Variants in RARB observed in about 807,000 individuals in gnomAD.
RARB encodes the protein retinoic acid receptor beta, also known as HBV-activated protein.
Under a neutral mutation model 51.9 loss-of-function variants are expected in RARB, and 17 were observed. The observed-to-expected ratio is 0.33, with a 90% confidence interval of 0.22 to 0.49. RARB has a LOEUF of 0.49. Ranked by LOEUF, RARB falls within the 20% of genes least tolerant of loss-of-function variation. The pLI, the probability that RARB is intolerant of heterozygous loss-of-function variation, is 0.99. For missense variants in RARB, 369 were observed against 550.8 expected, an observed-to-expected ratio of 0.67 and a Z score of 3.30; for synonymous variants, 215 against 195.4, an observed-to-expected ratio of 1.10 and a Z score of -0.84.
At chr3:25,207,707 A>G (rs1173136011) in intron 5 of RARB, among the ~76,000 whole-genome samples, 4 of 152,192 alleles carry the variant, frequency 2.6e-5, no homozygotes, top group Non-Finnish European at 5.9e-5. Context: ...ACATACCCCA[A>G]GTAGTTAGAG....
intron 5 of RARB, among the ~76,000 whole-genome samples, chr3:25,294,846 C>T (rs1051293072): frequency 4.6e-5 from 7 of 152,156 alleles, no homozygotes; most frequent in African/African-American, 1.7e-4. Context: ...GAAAAATCAC[C>T]AGCTTTGCAG....
intron 2 of RARB, among the ~76,000 whole-genome samples, chr3:24,978,279 A>G (rs1282408724): frequency 6.6e-6 from 1 of 152,166 alleles, no homozygotes; most frequent in Non-Finnish European, 1.5e-5. Flanking sequence ...AAAATGAGTT[A>G]GGGAGAATTC....
At chr3:25,383,476 A>G (rs935969773) in intron 5 of RARB, among the ~76,000 whole-genome samples, 2 of 152,216 alleles carry the variant, frequency 1.3e-5, no homozygotes, top group African/African-American at 4.8e-5. Flanking sequence ...TCAAGTTGGT[A>G]GAACTAGGAG....
At chr3:25,337,157 T>A (rs1705087301) in intron 5 of RARB, among the ~76,000 whole-genome samples, 1 of 152,120 alleles carries the variant, frequency 6.6e-6, no homozygotes, top group South Asian at 2.1e-4. Flanking sequence ...AATGTACATT[T>A]TGCTCATCTA....
chr3:25,281,734 G>A (rs1703528166), intron 5 of RARB, among the ~76,000 whole-genome samples: 1 of 152,206 alleles, frequency 6.6e-6, no homozygotes, highest in South Asian at 2.1e-4. Context: ...GGGAGTTGAT[G>A]TGGCTATTTC....
intron 5 of RARB, chr3:25,260,039 A>G (rs1702958891): frequency 1.0e-6 from 1 of 962,546 alleles, no homozygotes; most frequent in Non-Finnish European, 1.2e-6. Flanking sequence ...TCCTTCCCCC[A>G]TGGTGTGAGT....
chr3:25,065,434 A>G (rs185108850), intron 3 of RARB, among the ~76,000 whole-genome samples: 9 of 152,286 alleles, frequency 5.9e-5, no homozygotes, highest in Middle Eastern at 3.4e-3. Flanking sequence ...AGAATAAATG[A>G]ATCTTTGAAG....
chr3:25,416,050 A>C (rs895520673), intron 5 of RARB, among the ~76,000 whole-genome samples: 25 of 152,236 alleles, frequency 1.6e-4, no homozygotes, highest in African/African-American at 6.0e-4. Context: ...TAATTATGGC[A>C]ACATATTCAA....
At chr3:25,485,172 T>A (rs959420116) in intron 2 of RARB, among the ~76,000 whole-genome samples, 3 of 152,352 alleles carry the variant, frequency 2.0e-5, no homozygotes, top group Admixed American at 2.0e-4. Flanking sequence ...AATTAGGAAT[T>A]GTACATAGAA....
chr3:25,056,009 C>G (rs1698433591), intron 2 of RARB, among the ~76,000 whole-genome samples: 1 of 152,118 alleles, frequency 6.6e-6, no homozygotes. Flanking sequence ...AGAGTTTAAT[C>G]TAACCAATCT....
chr3:25,101,056 A>T lies in RARB; in HGVS notation c.-327-31105A>T, dbSNP rs138251215. On this transcript the variant is annotated intron_variant, in intron 3 of 11. Coordinates refer to the RARB transcript ENST00000383772. ...GTAGTTGGAGGTGATTATTGGATTT[A>T]TTTGGTGGAACATCACCTCTGGAAT... Among the ~76,000 whole-genome samples, 111 of 152,290 alleles carry T rather than the reference A, an allele frequency of 7.3e-4. 1 individual carries two copies. The highest frequency in any genetic ancestry group is 2.4e-3 in the African/African-American group (98 of 41,570).
intron 3 of RARB, among the ~76,000 whole-genome samples, chr3:25,109,752 G>C (rs887411523): frequency 6.6e-6 from 1 of 152,116 alleles, no homozygotes; most frequent in Non-Finnish European, 1.5e-5. Flanking sequence ...CGTCAGCCAT[G>C]CTTCTTCATT....
chr3:25,421,726 C>T (rs1229428085), intron 5 of RARB, among the ~76,000 whole-genome samples: 2 of 152,072 alleles, frequency 1.3e-5, no homozygotes. Flanking sequence ...TTCCTAAGTA[C>T]TTGTATTACC....
chr3:24,873,943 G>T (rs1702994985), intron 2 of RARB, among the ~76,000 whole-genome samples: 1 of 152,002 alleles, frequency 6.6e-6, no homozygotes, highest in Non-Finnish European at 1.5e-5. Context: ...GATCAAAAAT[G>T]TTCAGGGGAA....
chr3:25,199,925 T>C (rs1701348308), intron 5 of RARB, among the ~76,000 whole-genome samples: 1 of 152,190 alleles, frequency 6.6e-6, no homozygotes, highest in Admixed American at 6.5e-5. Flanking sequence ...TGTGTCTTCA[T>C]AGCAGCATGA....
chr3:25,518,471 T>C (rs1249651823), intron 3 of RARB, among the ~76,000 whole-genome samples: 1 of 150,542 alleles, frequency 6.6e-6, no homozygotes, highest in Non-Finnish European at 1.5e-5. Flanking sequence ...TTTTCGTTGC[T>C]CTTCCTCAGG....
chr3:25,497,704 G>A (rs947103179), intron 2 of RARB, among the ~76,000 whole-genome samples: 1 of 152,126 alleles, frequency 6.6e-6, no homozygotes, highest in African/African-American at 2.4e-5. Flanking sequence ...TCCAGGGCTC[G>A]ACCTATGCTA....
intron 2 of RARB, among the ~76,000 whole-genome samples, chr3:24,883,709 AATG>A (rs1488761476): frequency 6.6e-6 from 1 of 152,050 alleles, no homozygotes; most frequent in Non-Finnish European, 1.5e-5. Flanking sequence ...CTCAGAGAAA[AATG>A]ATGAAATAAG....
chr3:25,461,744 A>T (rs6764866), intron 2 of RARB, among the ~76,000 whole-genome samples: 16,444 of 152,130 alleles, frequency 0.11, 1,286 homozygotes, highest in African/African-American at 0.2. Flanking sequence ...AAATACAAAA[A>T]TTAGCCAGGC....
Sources: gnomAD v4.1 joint callset for allele counts (sites outside exome capture counted in the v4.1 genomes callset) on GRCh38, gnomAD v4.1.1 for gene constraint, MANE v1.5 for transcripts, NCBI Gene and HGNC (gene_info 2026-07-23, HGNC 2026-07-21) for gene names.